The following KCND3 variants were observed in gnomAD, a reference collection of about 807,000 sequenced individuals.
KCND3 encodes potassium voltage-gated channel subfamily D member 3.
In KCND3, 9 loss-of-function variants were observed where a neutral mutation model predicts 51.1. The observed-to-expected ratio is 0.18, with a 90% CI of 0.11 to 0.31. The LOEUF is 0.31. KCND3 is among the 10% of genes least tolerant of loss of function. The pLI is 1.00. For synonymous variants in KCND3, 349 were observed against 368.0 expected (o/e 0.95, Z 0.59); for missense variants, 526 against 903.8 (o/e 0.58, Z 5.36).
chr1:111,940,004 T>C (rs532617985), intron 2 of KCND3, among the ~76,000 whole-genome samples: 1 of 152,246 alleles, frequency 6.6e-6, no homozygotes, highest in Non-Finnish European at 1.5e-5. Context: ...TTCTTTCATA[T>C]GTTTGTTGGC....
chr1:111,802,926 C>T (rs1356898944), intron 2 of KCND3, among the ~76,000 whole-genome samples: 2 of 152,122 alleles, frequency 1.3e-5, no homozygotes, highest in Non-Finnish European at 2.9e-5. Context: ...CAAACATTCT[C>T]CTGAAGTATT....
intron 2 of KCND3, among the ~76,000 whole-genome samples, chr1:111,888,819 A>C (rs923976393): frequency 2.0e-5 from 3 of 151,982 alleles, no homozygotes; most frequent in African/African-American, 7.3e-5. Flanking sequence ...CAGCACAGAG[A>C]GGCAAGCATG....
chr1:111,804,969 T>C (rs1371685378), intron 2 of KCND3, among the ~76,000 whole-genome samples: 1 of 152,142 alleles, frequency 6.6e-6, no homozygotes, highest in Admixed American at 6.5e-5. Context: ...CCCTGTCCCA[T>C]GCTCCCCTGA....
intron 2 of KCND3, among the ~76,000 whole-genome samples, chr1:111,942,197 T>G (rs1346383057): frequency 3.9e-5 from 6 of 152,218 alleles, no homozygotes; most frequent in Non-Finnish European, 5.9e-5. Flanking sequence ...TTCCTTTTAA[T>G]CTGCTCATCT....
chr1:111,981,937 C>G lies in KCND3; in HGVS notation c.790G>C (p.Val264Leu), dbSNP rs750099417. Residue 264 changes from valine (V) to leucine (L), a missense_variant, in exon 2 of 8, where the codon GTG becomes CTG. By Grantham distance (32) the Val-to-Leu change is conservative. This residue lies in a region of KCND3 where 48 missense variants were observed against 228.5 expected (regional missense o/e 0.21). Coordinates refer to ENST00000302127, the MANE Select transcript of KCND3 (RefSeq NM_001378969.1). The surrounding 1 kb of genome is among the most constrained non-coding windows in gnomAD (Gnocchi z 6.2). ...ATGTAGTAGGGCATGATGGCCACCA[C>G]GTCGATGATGCTCATGACGCTGCGG... is the stretch of plus-strand genomic sequence containing the variant. ...FIRSVMSIID[V>L]VAIMPYYIGL... is the part of the protein sequence containing the mutation. The G allele has an allele frequency of 6.2e-7, 1 of 1,614,008 alleles. No homozygotes were observed.
rs1665947277 is a variant in KCND3 at position 111,813,457 on chromosome 1, A to C, written c.1107-26351T>G. ...GGGCCTGTCTGGTCTTCTAGGTCAG[A>C]GCCTCCTGACCCTCTTCACATCATA... On this transcript the variant is annotated intron_variant, in intron 2 of 7. Coordinates refer to ENST00000302127, the MANE Select transcript of KCND3 (RefSeq NM_001378969.1). Among the ~76,000 whole-genome samples the C allele has an allele frequency of 3.3e-5, 5 of 152,312 alleles. No homozygotes were observed. In the South Asian group the frequency reaches 1.0e-3, roughly 32 times the overall value.
At chr1:111,776,615 G>A (rs187985447) in intron 7 of KCND3, among the ~76,000 whole-genome samples, 2 of 152,086 alleles carry the variant, frequency 1.3e-5, no homozygotes, top group Non-Finnish European at 2.9e-5. Flanking sequence ...ATAAGCAGAG[G>A]GGGAGGGAAA....
intron 2 of KCND3, among the ~76,000 whole-genome samples, chr1:111,843,511 T>G (rs1156291160): frequency 6.6e-6 from 1 of 151,950 alleles, no homozygotes; most frequent in Admixed American, 6.6e-5. Context: ...CTTTGGAGAG[T>G]GTCCAGGTGG....
At chr1:111,819,055 G>T (rs868370891) in intron 2 of KCND3, among the ~76,000 whole-genome samples, 2 of 152,052 alleles carry the variant, frequency 1.3e-5, no homozygotes, top group South Asian at 2.1e-4. Flanking sequence ...GAGTGCAGTG[G>T]CACCATCACA....
chr1:111,809,819 G>A lies in KCND3; in HGVS notation c.1107-22713C>T, dbSNP rs1158696700. Among the ~76,000 whole-genome samples the A allele has an allele frequency of 5.3e-5, 8 of 152,270 alleles. No individual in the cohort carries two copies. In the East Asian group the frequency reaches 1.5e-3, roughly 29 times the overall value. On this transcript the variant is annotated intron_variant, in intron 2 of 7. Coordinates refer to ENST00000302127, the MANE Select transcript of KCND3 (RefSeq NM_001378969.1). The stretch of plus-strand genomic sequence containing the variant: ...GGGATTCAAAAATGACCAAGACAGG[G>A]TCCCCAACCTGCTCTGGGGGTGTTC...
At chr1:111,830,899 AG>A (rs780690659) in intron 2 of KCND3, among the ~76,000 whole-genome samples, 1 of 152,272 alleles carries the variant, frequency 6.6e-6, no homozygotes, top group Non-Finnish European at 1.5e-5. Flanking sequence ...CAGAAATAAA[AG>A]GTCATTGGGA....
intron 2 of KCND3, among the ~76,000 whole-genome samples, chr1:111,903,763 T>G (rs1571827693): frequency 6.6e-6 from 1 of 152,196 alleles, no homozygotes; most frequent in Non-Finnish European, 1.5e-5. Flanking sequence ...CATGGGCTGC[T>G]CCTCCCTGCC....
At chr1:111,907,476 G>A (rs1322213770) in intron 2 of KCND3, among the ~76,000 whole-genome samples, 1 of 152,190 alleles carries the variant, frequency 6.6e-6, no homozygotes, top group East Asian at 1.9e-4. Context: ...AGGCCACATG[G>A]TGAGGAATGG....
chr1:111,915,505 C>G (rs12410679), intron 2 of KCND3, among the ~76,000 whole-genome samples: 14,568 of 152,096 alleles, frequency 0.096, 969 homozygotes, highest in South Asian at 0.24. Context: ...GTAATCCCAG[C>G]ACTTTGGGAG....
At chr1:111,859,539 TG>T in intron 2 of KCND3, among the ~76,000 whole-genome samples, 1 of 152,334 alleles carries the variant, frequency 6.6e-6, no homozygotes, top group East Asian at 1.9e-4. Flanking sequence ...TGGTTGGACA[TG>T]TTTGCCTTCT....
intron 2 of KCND3, among the ~76,000 whole-genome samples, chr1:111,951,052 C>T (rs373706011): frequency 1.7e-4 from 25 of 151,454 alleles, no homozygotes; most frequent in African/African-American, 5.8e-4. Context: ...TGCCTGTAAT[C>T]CCAGCTACTT....
At chr1:111,867,388 A>T (rs1011561614) in intron 2 of KCND3, among the ~76,000 whole-genome samples, 1 of 152,150 alleles carries the variant, frequency 6.6e-6, no homozygotes, top group Non-Finnish European at 1.5e-5. Flanking sequence ...GAAAACAGGA[A>T]TCTCTCTTGG....
rs1437112652 is a variant in KCND3 at position 111,905,653 on chromosome 1, G to T, written c.1106+75968C>A. ...ATCAGTCTTCAGGTGACTATGGCGT[G>T]CAGCCCTTCTGGGAGTCGCGTATAA... On this transcript the variant is annotated intron_variant, in intron 2 of 7. Coordinates refer to ENST00000302127, the MANE Select transcript of KCND3 (RefSeq NM_001378969.1). Among the ~76,000 whole-genome samples, 7 of 152,180 alleles carry T rather than the reference G, an allele frequency of 4.6e-5. No homozygotes were observed. In the East Asian group the frequency reaches 1.3e-3, roughly 29 times the overall value.
intron 2 of KCND3, among the ~76,000 whole-genome samples, chr1:111,912,130 T>C (rs1164230492): frequency 6.6e-6 from 1 of 152,232 alleles, no homozygotes; most frequent in Non-Finnish European, 1.5e-5. Flanking sequence ...CTAAGCCAAA[T>C]GATTTCCAGA....
Sources: gnomAD v4.1 joint callset for allele counts (sites outside exome capture counted in the v4.1 genomes callset) on GRCh38, gnomAD v4.1.1 for gene constraint, gnomAD v4.1.1 regional missense constraint, Gnocchi (gnomAD v3.1) non-coding constraint, MANE v1.5 for transcripts, NCBI Gene and HGNC (gene_info 2026-07-23, HGNC 2026-07-21) for gene names.